The following PHC3 variants were observed in gnomAD, a reference collection of about 807,000 sequenced individuals.
The protein encoded by PHC3 is polyhomeotic homolog 3, also known as polyhomeotic-like protein 3.
A neutral mutation model predicts 107.4 loss-of-function variants in PHC3; 13 were observed. The observed-to-expected ratio is 0.12, with a 90% confidence interval of 0.08 to 0.19. PHC3 has a LOEUF of 0.19. Among genes scored for constraint, PHC3 ranks in the 10% least tolerant of loss-of-function variants. The pLI is 1.00. For missense variants in PHC3, 992 were observed against 1,210.9 expected (o/e 0.82, Z 2.68); for synonymous variants, 456 against 427.4 (o/e 1.07, Z -0.83).
At chr3:170,176,129 A>G (rs1160835435) in intron 2 of PHC3, among the ~76,000 whole-genome samples, 2 of 140,966 alleles carry the variant, frequency 1.4e-5, no homozygotes, top group South Asian at 2.3e-4. Flanking sequence ...TGGAGGCTGA[A>G]GCAGGAGAAT....
chr3:170,176,205 GAT>G (rs1202254908), intron 2 of PHC3, among the ~76,000 whole-genome samples: 13 of 135,420 alleles, frequency 9.6e-5, no homozygotes, highest in Admixed American at 4.2e-4. Context: ...CAGCCTGGGC[GAT>G]AGAGCGAGAC....
At chr3:170,127,695 G>A (rs548549122) in intron 8 of PHC3, among the ~76,000 whole-genome samples, 53 of 152,184 alleles carry the variant, frequency 3.5e-4, no homozygotes, top group African/African-American at 1.3e-3. Context: ...TTAGCTTTTA[G>A]GTGATAAAAT....
intron 5 of PHC3, among the ~76,000 whole-genome samples, chr3:170,146,673 C>A (rs1434050875): frequency 6.6e-6 from 1 of 150,532 alleles, no homozygotes; most frequent in Non-Finnish European, 1.5e-5. Context: ...GCTGGGATTA[C>A]AGGCATACGC....
chr3:170,111,261 A>AGAAGGAAGGAAGGAAGGAAG (rs142477519), intron 11 of PHC3, among the ~76,000 whole-genome samples: 4 of 121,272 alleles, frequency 3.3e-5, no homozygotes, highest in East Asian at 2.4e-4. Flanking sequence ...TAAAACAAGA[A>AGAAGGAAGGAAGGAAGGAAG]GAAGGAAGGA....
intron 9 of PHC3, among the ~76,000 whole-genome samples, chr3:170,121,318 G>A (rs568804953): frequency 6.6e-6 from 1 of 151,880 alleles, no homozygotes. Flanking sequence ...TTAAAAAAAA[G>A]AAAGAAAACA....
At chr3:170,126,091 A>C (rs535180883) in intron 8 of PHC3, 1 of 382,052 alleles carries the variant, frequency 2.6e-6, no homozygotes, top group African/African-American at 2.2e-5. Flanking sequence ...TTTAATTCTT[A>C]AGTATCTTAA....
At chr3:170,158,927 GAA>G (rs145178751) in intron 4 of PHC3, among the ~76,000 whole-genome samples, 11 of 120,270 alleles carry the variant, frequency 9.1e-5, no homozygotes, top group Admixed American at 1.8e-4. Context: ...AACCTGTCTT[GAA>G]AAAAAAAAAA....
intron 5 of PHC3, among the ~76,000 whole-genome samples, chr3:170,145,894 T>G (rs1724854942): frequency 2.6e-5 from 4 of 152,136 alleles, no homozygotes; most frequent in African/African-American, 9.7e-5. Context: ...AAACAACTAG[T>G]CACTATTTTG....
At chr3:170,176,791 G>T in intron 2 of PHC3, 1 of 412,004 alleles carries the variant, frequency 2.4e-6, no homozygotes, top group South Asian at 1.8e-5. Flanking sequence ...GCCTTACACA[G>T]TTCTAGATAC....
chr3:170,162,943 C>T (rs1189095632), intron 4 of PHC3, among the ~76,000 whole-genome samples: 1 of 152,132 alleles, frequency 6.6e-6, no homozygotes, highest in African/African-American at 2.4e-5. Context: ...TTTCCCTGAC[C>T]ATCCTAATTA....
At chr3:170,108,154 TA>T (rs1391732584) in intron 11 of PHC3, among the ~76,000 whole-genome samples, 3 of 152,146 alleles carry the variant, frequency 2.0e-5, no homozygotes, top group African/African-American at 4.8e-5. Context: ...CAAGTCATAT[TA>T]AAAAAAGCAA....
rs906252069 is a variant in PHC3, at chr3:170,107,050, C to T, written c.2354-104G>A. 4.5e-5 allele frequency: 30 copies of T among 668,130 alleles called. No individual in the cohort carries two copies. In the African/African-American group the frequency reaches 5.3e-4, roughly 12 times the overall value. 41.4% of individuals were successfully genotyped at this position (668,130 alleles called of 1,614,324 possible). On this transcript the variant is annotated intron_variant, in intron 11 of 14. Transcript: ENST00000495893. Reference sequence around the variant, plus strand: ...TGGATACTGCTAGCAAACCAATGGCCCTTTAACTTTTCAATCCACAGCCAC... The same window carrying T: ...TGGATACTGCTAGCAAACCAATGGCTCTTTAACTTTTCAATCCACAGCCAC...
At chr3:170,105,397 TTTAAC>T (rs751662364) in intron 12 of PHC3, among the ~76,000 whole-genome samples, 4 of 152,238 alleles carry the variant, frequency 2.6e-5, no homozygotes, top group Non-Finnish European at 4.4e-5. Context: ...ACTTCTATTA[TTTAAC>T]TTAAGTTTTA....
rs977218892 is a variant in PHC3 at position 170,090,490 on chromosome 3, A to C, written c.*6740T>G. 1 of 152,222 alleles carries C rather than the reference A, an allele frequency of 6.6e-6. No individual in the cohort carries two copies. The highest frequency in any genetic ancestry group is 2.1e-4 in the South Asian group (1 of 4,836). 9.4% of individuals were successfully genotyped at this position (152,222 alleles called of 1,614,324 possible). A position where few individuals can be genotyped will look rare whatever the true frequency, so the allele number is the denominator to read the frequency against. ...TGTTCATATATTCAGTGGTTAACCAATAAGGAGCATTTAGGAAAATGTCAT... is the reference window on the plus strand; with the variant it reads ...TGTTCATATATTCAGTGGTTAACCACTAAGGAGCATTTAGGAAAATGTCAT... On this transcript the variant is annotated 3_prime_UTR_variant, in exon 15 of 15. Coordinates refer to ENST00000495893, the MANE Select transcript of PHC3 (RefSeq NM_024947.4).
At chr3:170,130,097 A>C (rs1000852281) in intron 7 of PHC3, among the ~76,000 whole-genome samples, 4 of 152,232 alleles carry the variant, frequency 2.6e-5, no homozygotes, top group African/African-American at 9.6e-5. Flanking sequence ...AAAACTTAAT[A>C]ATCTGAATCT....
At chr3:170,175,923 C>CA (rs55761970) in intron 2 of PHC3, among the ~76,000 whole-genome samples, 2,439 of 88,300 alleles carry the variant, frequency 0.028, 47 homozygotes, top group East Asian at 0.14. Context: ...GACTCAGTCT[C>CA]AAAAAAAAAA....
rs147640984 is a variant in PHC3, at chr3:170,087,809, T to C, written c.*9421A>G. On this transcript the variant is annotated 3_prime_UTR_variant, in exon 15 of 15. Transcript: ENST00000495893. The stretch of plus-strand genomic sequence containing the variant: ...CAGAGTATAAGGTGCTTTAATTTAA[T>C]AGTTAATGTTGCCATCAACAAACAT... 73 of 152,312 alleles carry C rather than the reference T, an allele frequency of 4.8e-4. No individual in the cohort carries two copies. Among genetic ancestry groups the C allele is most frequent in the African/African-American group, 1.6e-3 (68 of 41,574 alleles). The allele number at this position is 152,312 out of a possible 1,614,324, so 9.4% of individuals were successfully genotyped here.
Position 170,117,279 on chromosome 3 carries a change from G to A in PHC3, c.2140C>T (p.Leu714=), listed in dbSNP as rs1366467745. The A allele has an allele frequency of 5.0e-6, 8 of 1,613,976 alleles. No individual in the cohort carries two copies. The highest frequency in any genetic ancestry group is 6.8e-6 in the Non-Finnish European group (8 of 1,179,870). The change falls in exon 10 of 15, where the codon CTA becomes TTA. Residue 714 remains leucine, a synonymous_variant. Transcript: ENST00000495893. ...ACAAAGCCTTCAATAACATGGGTTA[G>A]GATCTGTGGTTTAACAATAGCCTGT... The part of the protein sequence containing the change: ...PPQAIVKPQI[L]THVIEGFVIQ...
intron 14 of PHC3, among the ~76,000 whole-genome samples, chr3:170,098,701 TCTTG>T (rs752670414): frequency 2.0e-4 from 30 of 151,986 alleles, no homozygotes; most frequent in Non-Finnish European, 3.7e-4. Flanking sequence ...CCATTTTTTC[TCTTG>T]CTTATTTCTT....
Sources: gnomAD v4.1 joint callset for allele counts (sites outside exome capture counted in the v4.1 genomes callset) on GRCh38, gnomAD v4.1.1 for gene constraint, MANE v1.5 for transcripts, NCBI Gene and HGNC (gene_info 2026-07-23, HGNC 2026-07-21) for gene names.